AKR1C3: variants seen among roughly 807,000 people sequenced by gnomAD.
AKR1C3 encodes the protein aldo-keto reductase family 1 member C3, also known as 3-alpha hydroxysteroid dehydrogenase, type II.
A neutral mutation model predicts 43.6 loss-of-function variants in AKR1C3; 48 were observed. That is an observed-to-expected ratio of 1.10 (90% CI 0.87 to 1.40). The LOEUF (loss-of-function observed/expected upper bound fraction) is 1.40, where lower values mean the gene tolerates loss of function less well. Among genes scored for constraint, AKR1C3 ranks in the 40% most tolerant of loss-of-function variants. The probability of loss-of-function intolerance (pLI) is 0.00; values close to 1 mark genes in which losing one functional copy is unlikely to be tolerated. For missense variants in AKR1C3, 482 were observed against 391.2 expected, an observed-to-expected ratio of 1.23 and a Z score of -1.96; for synonymous variants, 162 against 139.6, an observed-to-expected ratio of 1.16 and a Z score of -1.13.
chr10:5,082,494 A>C (rs529077932), intron 1 of AKR1C3, among the ~76,000 whole-genome samples: 1 of 152,190 alleles, frequency 6.6e-6, no homozygotes, highest in South Asian at 2.1e-4. Flanking sequence ...TTTTATCATA[A>C]AGGTTTTATG....
At chr10:5,050,229 A>G (rs981187225) in intron 1 of AKR1C3, among the ~76,000 whole-genome samples, 1 of 152,194 alleles carries the variant, frequency 6.6e-6, no homozygotes, top group South Asian at 2.1e-4. Context: ...ATGTTTGCAC[A>G]TGACCCAAAC....
At chr10:5,107,268 G>T (rs188537339) in intron 8 of AKR1C3, among the ~76,000 whole-genome samples, 193 bp from the exon 9 acceptor site, 1 of 152,152 alleles carries the variant, frequency 6.6e-6, no homozygotes, top group African/African-American at 2.4e-5. Context: ...CCAGATAAGG[G>T]AATATGATTG....
At chr10:5,104,946 T>C (rs1839461462) in intron 7 of AKR1C3, among the ~76,000 whole-genome samples, 1 of 151,506 alleles carries the variant, frequency 6.6e-6, no homozygotes, top group Non-Finnish European at 1.5e-5. Context: ...TTTTTTATTC[T>C]CTCTCTCTCA....
chr10:5,096,819 G>A (rs1366505878), intron 2 of AKR1C3, among the ~76,000 whole-genome samples: 1 of 152,146 alleles, frequency 6.6e-6, no homozygotes, highest in Non-Finnish European at 1.5e-5. Context: ...GCTGAGATCA[G>A]TGTGATTTGA....
upstream of AKR1C3, among the ~76,000 whole-genome samples, chr10:5,090,072 A>C (rs782556173): frequency 6.6e-6 from 1 of 152,078 alleles, no homozygotes; most frequent in Non-Finnish European, 1.5e-5. Flanking sequence ...TATGAGTAAG[A>C]GCCAGCTGTG....
intron 8 of AKR1C3, among the ~76,000 whole-genome samples, chr10:5,106,525 C>T (rs587682977): frequency 1.8e-4 from 27 of 152,076 alleles, no homozygotes; most frequent in African/African-American, 5.8e-4. Flanking sequence ...CTGAGGTGGG[C>T]AGATCGACTG....
chr10:5,065,198 A>C (rs1838474655), intron 1 of AKR1C3, among the ~76,000 whole-genome samples: 1 of 151,712 alleles, frequency 6.6e-6, no homozygotes, highest in African/African-American at 2.4e-5. Context: ...CAGTGTGGTG[A>C]TTTCTCAAAG....
intron 7 of AKR1C3, 21 bp from the exon 8 acceptor site, chr10:5,105,572 TAA>T (rs781954502): frequency 6.9e-6 from 11 of 1,593,682 alleles, no homozygotes; most frequent in African/African-American, 1.3e-5. Context: ...CTAAAAATAA[TAA>T]AAGTTTTTTA....
At chr10:5,105,325 CAATGTCAG>C in intron 7 of AKR1C3, 1 of 194,454 alleles carries the variant, frequency 5.1e-6, no homozygotes, top group Admixed American at 7.0e-5. Context: ...CATGTGGGCA[CAATGTCAG>C]CGCTGTTTCT....
At chr10:5,049,746 T>G (rs1838114967) in intron 1 of AKR1C3, among the ~76,000 whole-genome samples, 1 of 152,254 alleles carries the variant, frequency 6.6e-6, no homozygotes, top group Non-Finnish European at 1.5e-5. Context: ...CTGTGCAACA[T>G]CACTGGGAGA....
intron 5 of AKR1C3, among the ~76,000 whole-genome samples, chr10:5,100,534 G>A (rs1226142755): frequency 6.6e-6 from 1 of 151,996 alleles, no homozygotes; most frequent in Non-Finnish European, 1.5e-5. Flanking sequence ...ATGATTCCAG[G>A]CCTCCTTGAT....
intron 1 of AKR1C3, among the ~76,000 whole-genome samples, chr10:5,069,572 C>A (rs1554781140): frequency 6.6e-6 from 1 of 152,034 alleles, no homozygotes; most frequent in Non-Finnish European, 1.5e-5. Flanking sequence ...TTAAGCGAAA[C>A]CCTAAAAAGC....
At chr10:5,048,809 G>A (rs1838088489), upstream of AKR1C3, 2 of 1,613,350 alleles carry the variant, frequency 1.2e-6, no homozygotes, top group Non-Finnish European at 1.7e-6. Flanking sequence ...CTGAGTGACA[G>A]TGATGGATTC....
chr10:5,049,489 C>T (rs1371052787), intron 1 of AKR1C3, among the ~76,000 whole-genome samples: 3 of 152,146 alleles, frequency 2.0e-5, no homozygotes, highest in African/African-American at 4.8e-5. Flanking sequence ...AAAGAAAAAA[C>T]GACTAGAACC....
chr10:5,052,752 G>T (rs931539617), intron 1 of AKR1C3, among the ~76,000 whole-genome samples: 1 of 152,080 alleles, frequency 6.6e-6, no homozygotes, highest in Non-Finnish European at 1.5e-5. Context: ...ACAGAGTGTG[G>T]ACACAAAGGT....
intron 7 of AKR1C3, among the ~76,000 whole-genome samples, 179 bp downstream of exon 7, chr10:5,102,829 C>A (rs1431321425): frequency 6.6e-6 from 1 of 152,158 alleles, no homozygotes; most frequent in Non-Finnish European, 1.5e-5. Flanking sequence ...AGCACAGGTG[C>A]AGAGAATTAA....
rs77168456 is a variant in AKR1C3 at position 5,078,881 on chromosome 10, G to C, written c.85-17529G>C. Among the ~76,000 whole-genome samples the C allele has an allele frequency of 7.9e-4, 120 of 152,310 alleles. 2 individuals are homozygous for C. The East Asian group carries it at 0.014, about 18-fold the overall frequency. ...GATGCCTGGTCTGCAGTGATGAGTA[G>C]AACAGGCCCTTCTGCTGTTGGGTGC... On this transcript the variant is annotated intron_variant, in intron 1 of 8. Coordinates refer to the AKR1C3 transcript ENST00000439082.
In AKR1C3 at chr10:5,099,427, A is replaced by G. The variant is rs61730879; in HGVS notation, c.548A>G (p.Lys183Arg). ...LEMILNKPGL[K>R]YKPVCNQVEC... ...ATGATCCTCAACAAGCCAGGACTCA[A>G]GTACAAGCCTGTCTGCAACCAGGTG... The change falls in exon 5 of 9, where the codon AAG (lysine) becomes AGG (arginine). Residue 183 changes from lysine (K) to arginine (R), a missense_variant. Transcript: ENST00000380554. The G allele has an allele frequency of 2.3e-3, 3,753 of 1,614,202 alleles. 8 individuals are homozygous for G. Among genetic ancestry groups the G allele is most frequent in the Admixed American group, 2.9e-3 (175 of 60,028 alleles).
intron 1 of AKR1C3, among the ~76,000 whole-genome samples, chr10:5,060,851 C>A (rs529722917): frequency 6.6e-6 from 1 of 152,222 alleles, no homozygotes; most frequent in African/African-American, 2.4e-5. Context: ...AGCTAAGGCC[C>A]GGCAAGAAAT....
Sources: gnomAD v4.1 joint callset for allele counts (sites outside exome capture counted in the v4.1 genomes callset) on GRCh38, gnomAD v4.1.1 for gene constraint, MANE v1.5 for transcripts, NCBI Gene and HGNC (gene_info 2026-07-23, HGNC 2026-07-21) for gene names.